Variants in PHLDB2 observed in about 807,000 individuals in gnomAD.
PHLDB2 encodes the protein pleckstrin homology-like domain family B member 2.
A neutral mutation model predicts 123.6 loss-of-function variants in PHLDB2; 71 were observed. The ratio of observed to expected loss-of-function variants is 0.57; its 90% confidence interval spans 0.47 to 0.70. PHLDB2 has a LOEUF of 0.70. Ranked by LOEUF, PHLDB2 falls within the 30% of genes least tolerant of loss-of-function variation. PHLDB2 has a pLI of 0.00. For synonymous variants in PHLDB2, 547 were observed against 541.6 expected (o/e 1.01, Z -0.14); for missense variants, 1,446 against 1,519.5 (o/e 0.95, Z 0.80).
At chr3:111,736,131 A>C (rs1464281885) in intron 1 of PHLDB2, among the ~76,000 whole-genome samples, 7 of 152,134 alleles carry the variant, frequency 4.6e-5, no homozygotes, top group Non-Finnish European at 1.0e-4. Context: ...ACCACAAAAC[A>C]CACATGCACA....
At chr3:111,843,320 T>A (rs1027774585) in intron 1 of PHLDB2, among the ~76,000 whole-genome samples, 2 of 152,260 alleles carry the variant, frequency 1.3e-5, no homozygotes, top group South Asian at 2.1e-4. Flanking sequence ...GTGGTATTGA[T>A]GTGCCTTTCC....
intron 1 of PHLDB2, among the ~76,000 whole-genome samples, chr3:111,867,690 TC>T (rs1178479857): frequency 1.3e-5 from 2 of 152,138 alleles, no homozygotes; most frequent in Non-Finnish European, 2.9e-5. Flanking sequence ...GTCTCATATG[TC>T]TTTTTTTAAT....
At chr3:111,733,901 TC>T (rs1366020319) in intron 1 of PHLDB2, among the ~76,000 whole-genome samples, 1 of 152,190 alleles carries the variant, frequency 6.6e-6, no homozygotes, top group Non-Finnish European at 1.5e-5. Context: ...AATGCTGAAG[TC>T]CTATTTTTCT....
At chr3:111,918,437 A>G (rs2068303408) in intron 3 of PHLDB2, among the ~76,000 whole-genome samples, 1 of 152,228 alleles carries the variant, frequency 6.6e-6, no homozygotes, top group Admixed American at 6.5e-5. Flanking sequence ...ACAAAAGTGA[A>G]GCATCAATTA....
intron 7 of PHLDB2, 112 bp downstream of exon 7, chr3:111,939,742 A>G: frequency 9.1e-7 from 1 of 1,099,460 alleles, no homozygotes; most frequent in Non-Finnish European, 1.3e-6. Flanking sequence ...GTAGTCTGCC[A>G]TGTATGTGGC....
intron 1 of PHLDB2, among the ~76,000 whole-genome samples, chr3:111,874,382 C>T (rs1274604795): frequency 9.2e-5 from 14 of 152,112 alleles, no homozygotes; most frequent in Admixed American, 9.2e-4. Flanking sequence ...TATCTCTTAC[C>T]GTATGTCTCC....
intron 1 of PHLDB2, among the ~76,000 whole-genome samples, chr3:111,765,982 T>G (rs2060074040): frequency 6.6e-6 from 1 of 152,224 alleles, no homozygotes; most frequent in Non-Finnish European, 1.5e-5. Flanking sequence ...TTACTACCTG[T>G]GTCATCTTTC....
At chr3:111,867,922 G>C (rs944817294) in intron 1 of PHLDB2, among the ~76,000 whole-genome samples, 1 of 151,530 alleles carries the variant, frequency 6.6e-6, no homozygotes, top group Non-Finnish European at 1.5e-5. Flanking sequence ...AGCTGGTCTC[G>C]AATCCTGGGC....
chr3:111,873,586 A>G (rs577795677), intron 1 of PHLDB2, among the ~76,000 whole-genome samples: 5 of 152,358 alleles, frequency 3.3e-5, no homozygotes, highest in African/African-American at 1.2e-4. Flanking sequence ...GTAAATATTT[A>G]AAATGCAGTT....
intron 2 of PHLDB2, among the ~76,000 whole-genome samples, chr3:111,890,140 GA>G (rs1269510345): frequency 2.6e-5 from 4 of 152,146 alleles, no homozygotes; most frequent in Non-Finnish European, 5.9e-5. Context: ...ACCAAGACTG[GA>G]TTCCGATTCT....
intron 7 of PHLDB2, among the ~76,000 whole-genome samples, 181 bp from the exon 8 acceptor site, chr3:111,940,354 G>T (rs6763881): frequency 6.6e-6 from 1 of 152,030 alleles, no homozygotes; most frequent in Admixed American, 6.5e-5. Context: ...AGAAAGTATT[G>T]AGGCTGACAG....
At chr3:111,834,325 A>G (rs2063298797) in intron 1 of PHLDB2, among the ~76,000 whole-genome samples, 1 of 139,594 alleles carries the variant, frequency 7.2e-6, no homozygotes, top group African/African-American at 2.6e-5. Context: ...TTATATATAT[A>G]ATGGCATTAT....
chr3:111,743,550 C>T (rs1321445706), intron 1 of PHLDB2, among the ~76,000 whole-genome samples: 1 of 152,184 alleles, frequency 6.6e-6, no homozygotes, highest in Admixed American at 6.5e-5. Context: ...GCAGTGAGAT[C>T]TTCTGATGTC....
At chr3:111,924,578 C>A (rs778926834) in intron 5 of PHLDB2, among the ~76,000 whole-genome samples, 1 of 152,006 alleles carries the variant, frequency 6.6e-6, no homozygotes, top group Non-Finnish European at 1.5e-5. Flanking sequence ...CATGCCAAAG[C>A]GTAAGACAGA....
At chr3:111,802,333 A>G (rs2061409861) in intron 1 of PHLDB2, among the ~76,000 whole-genome samples, 1 of 152,180 alleles carries the variant, frequency 6.6e-6, no homozygotes, top group African/African-American at 2.4e-5. Flanking sequence ...AATAAAGGGG[A>G]GACAGAGCAA....
At chr3:111,925,664 C>T (rs1301284429) in intron 5 of PHLDB2, among the ~76,000 whole-genome samples, 3 of 152,138 alleles carry the variant, frequency 2.0e-5, no homozygotes, top group Non-Finnish European at 2.9e-5. Flanking sequence ...GTAGGGAAAC[C>T]GCTAGCACCA....
At chr3:111,948,612 G>T (rs781226990) in intron 9 of PHLDB2, among the ~76,000 whole-genome samples, 1 of 152,100 alleles carries the variant, frequency 6.6e-6, no homozygotes, top group Non-Finnish European at 1.5e-5. Context: ...TGTATATGTT[G>T]TTGACAACCT....
chr3:111,892,673 AAG>A (rs1210672129), intron 2 of PHLDB2, among the ~76,000 whole-genome samples: 1 of 152,194 alleles, frequency 6.6e-6, no homozygotes, highest in Non-Finnish European at 1.5e-5. Context: ...AAAAAGATGA[AAG>A]AGTTATTTTT....
intron 10 of PHLDB2, among the ~76,000 whole-genome samples, chr3:111,949,466 G>A (rs1393038349): frequency 6.6e-6 from 1 of 151,932 alleles, no homozygotes; most frequent in East Asian, 1.9e-4. Flanking sequence ...TAAATATTAG[G>A]CCTTTTAAAA....
Sources: gnomAD v4.1 joint callset for allele counts (sites outside exome capture counted in the v4.1 genomes callset) on GRCh38, gnomAD v4.1.1 for gene constraint, MANE v1.5 for transcripts, NCBI Gene and HGNC (gene_info 2026-07-23, HGNC 2026-07-21) for gene names.